The following TLR5 variants were observed in gnomAD, a reference collection of about 807,000 sequenced individuals.
TLR5 encodes toll like receptor 5.
For missense variants in TLR5, 944 were observed against 999.8 expected (o/e 0.94, Z 0.75); for synonymous variants, 373 against 384.4 (o/e 0.97, Z 0.35).
In TLR5 at chr1:223,143,242, C is replaced by G. The variant is rs1571777494; in HGVS notation, c.-601G>C. On this transcript the variant is annotated 5_prime_UTR_variant, in exon 1 of 6. Coordinates refer to ENST00000642603, the MANE Select transcript of TLR5 (RefSeq NM_003268.6). ...CGCCTGCGCCACGGTTGGCTCCTCC[C>G]GGACGCAAAAGCGGCGCCCTCGCTC... 1 of 152,236 alleles carries G rather than the reference C, an allele frequency of 6.6e-6. No individual in the cohort carries two copies. The highest frequency in any genetic ancestry group is 2.1e-4 in the South Asian group (1 of 4,836). 9.4% of individuals were successfully genotyped at this position (152,236 alleles called of 1,614,324 possible).
intron 5 of TLR5, among the ~76,000 whole-genome samples, chr1:223,118,145 A>AAGAT (rs1217880476): frequency 1.3e-5 from 2 of 152,234 alleles, no homozygotes; most frequent in African/African-American, 4.8e-5. Flanking sequence ...AGATACATTT[A>AAGAT]AGATATACAT....
At chr1:223,127,382 G>A (rs1391330252) in intron 5 of TLR5, 6 of 152,170 alleles carry the variant, frequency 3.9e-5, no homozygotes, top group Admixed American at 2.0e-4. Flanking sequence ...ATTCACACAG[G>A]TATAAAATTC....
At chr1:223,116,975 C>G (rs760045710) in intron 5 of TLR5, among the ~76,000 whole-genome samples, 2 of 152,196 alleles carry the variant, frequency 1.3e-5, no homozygotes, top group Non-Finnish European at 2.9e-5. Flanking sequence ...CTCTTCAGTC[C>G]TTGGGTGGTC....
chr1:223,115,549 C>A (rs573600924), intron 5 of TLR5, among the ~76,000 whole-genome samples: 1 of 152,212 alleles, frequency 6.6e-6, no homozygotes, highest in Non-Finnish European at 1.5e-5. Flanking sequence ...GCACACCAAG[C>A]CTCAGGCATT....
intron 5 of TLR5, among the ~76,000 whole-genome samples, chr1:223,116,909 T>A (rs2102881409): frequency 6.6e-6 from 1 of 152,304 alleles, no homozygotes; most frequent in East Asian, 1.9e-4. Flanking sequence ...GCCTAGTGGA[T>A]CCCGCGTCAG....
chr1:223,124,548 A>G (rs1417505377), intron 5 of TLR5, among the ~76,000 whole-genome samples: 1 of 152,120 alleles, frequency 6.6e-6, no homozygotes, highest in Non-Finnish European at 1.5e-5. Flanking sequence ...ACAGCACTTG[A>G]CTTTGAAAAT....
At position 223,112,040 on chromosome 1, in the gene TLR5, G is replaced by A; in HGVS notation, c.992C>T (p.Ala331Val). Residue 331 changes from alanine to valine, a missense_variant, in exon 6 of 6, where the codon GCA becomes GTA. By Grantham distance (64) the Ala-to-Val change is moderately conservative (BLOSUM62 0). Coordinates refer to ENST00000642603, the MANE Select transcript of TLR5 (RefSeq NM_003268.6). The part of the protein sequence containing the change: ...YNKINKIADE[A>V]FYGLDNLQVL... ...TTGGAGGTTGTCAAGTCCGTAAAAT[G>A]CTTCATCTGCAATCTTATTTATCTT... 6.2e-7 allele frequency: 1 copy of A among 1,614,200 alleles called. No homozygotes were observed. The highest frequency in any genetic ancestry group is 8.5e-7 in the Non-Finnish European group (1 of 1,180,040).
At chr1:223,132,816 A>G (rs547848925) in intron 4 of TLR5, among the ~76,000 whole-genome samples, 177 bp from the exon 5 acceptor site, 13 of 152,358 alleles carry the variant, frequency 8.5e-5, no homozygotes, top group Admixed American at 6.5e-5. Flanking sequence ...GGCGGACAGA[A>G]CACCAAGGTT....
Position 223,112,960 on chromosome 1 carries a change from G to A in TLR5, c.72C>T (p.Cys24=), listed in dbSNP as rs759623512. The change falls in exon 6 of 6, where the codon TGC becomes TGT. Residue 24 remains cysteine, a synonymous_variant. Coordinates refer to ENST00000642603, the MANE Select transcript of TLR5 (RefSeq NM_003268.6). ...MAGPVFGIPS[C]SFDGRIAFYR... is the part of the protein sequence containing the mutation. ...AAAAGGCTATTCGGCCATCAAAGGA[G>A]CAGGAAGGAATTCCAAACACAGGAC... is the stretch of plus-strand genomic sequence containing the variant. The A allele has an allele frequency of 9.3e-6, 15 of 1,614,066 alleles. No individual in the cohort carries two copies. The South Asian group carries it at 1.6e-4, about 18-fold the overall frequency.
rs941191540 is a variant in TLR5, at chr1:223,129,223, G to A, written c.-5+3252C>T. The A allele has an allele frequency of 3.9e-5, 6 of 152,226 alleles. No individual in the cohort carries two copies. The East Asian group carries it at 1.2e-3, about 29-fold the overall frequency. The allele number at this position is 152,226 out of a possible 1,614,324, so 9.4% of individuals were successfully genotyped here. On this transcript the variant is annotated intron_variant, in intron 5 of 5. Transcript: ENST00000642603. Reference sequence around the variant, plus strand: ...AGCCTCCTGCACGTCTACACCTGACGGCTGGGCTCCTGTCGCAGAAACCAT... The same window carrying A: ...AGCCTCCTGCACGTCTACACCTGACAGCTGGGCTCCTGTCGCAGAAACCAT...
intron 5 of TLR5, among the ~76,000 whole-genome samples, chr1:223,130,734 G>A (rs912770801): frequency 2.0e-5 from 3 of 152,148 alleles, no homozygotes; most frequent in Admixed American, 2.0e-4. Flanking sequence ...TTGCATCTTT[G>A]TAGCATTTCC....
chr1:223,116,031 C>G (rs851138), intron 5 of TLR5, among the ~76,000 whole-genome samples: 1 of 152,184 alleles, frequency 6.6e-6, no homozygotes, highest in Non-Finnish European at 1.5e-5. Context: ...CAGTGTTTCC[C>G]CAGCGAGACT....
At chr1:223,117,961 G>A (rs747719131) in intron 5 of TLR5, among the ~76,000 whole-genome samples, 7 of 152,190 alleles carry the variant, frequency 4.6e-5, no homozygotes, top group Non-Finnish European at 7.4e-5. Flanking sequence ...GGTGAATAAC[G>A]CTGTCAATAA....
intron 2 of TLR5, among the ~76,000 whole-genome samples, chr1:223,138,288 G>A (rs184565474): frequency 1.3e-5 from 2 of 150,824 alleles, no homozygotes; most frequent in Admixed American, 1.3e-4. Flanking sequence ...TGTGGGTTTT[G>A]TTTTGTTTTG....
intron 1 of TLR5, 49 bp from the exon 2 acceptor site, chr1:223,141,812 T>TAG (rs1657870374): frequency 6.9e-5 from 4 of 57,776 alleles, no homozygotes; most frequent in South Asian, 1.3e-3. Flanking sequence ...TATATATATA[T>TAG]ATATATATAT....
chr1:223,129,228 G>T (rs1223811576), intron 5 of TLR5: 2 of 152,234 alleles, frequency 1.3e-5, no homozygotes, highest in Non-Finnish European at 1.5e-5. Flanking sequence ...CTGACGGCTG[G>T]GCTCCTGTCG....
rs769787865 is a variant in TLR5, at chr1:223,111,479, G to A, written c.1553C>T (p.Pro518Leu). 6.2e-7 allele frequency: 1 copy of A among 1,614,152 alleles called. No individual in the cohort carries two copies. The highest frequency in any genetic ancestry group is 1.7e-5 in the Admixed American group (1 of 60,010). ...YLNHNYLNSL[P>L]PGVFSHLTAL... ...AGTCAGATGGCTAAATACTCCTGGT[G>A]GAAGGGAATTAAGATAGTTATGATT... The change falls in exon 6 of 6, where the codon CCA becomes CTA. Residue 518 changes from proline to leucine, a missense_variant. Pro to Leu is a moderately conservative substitution (Grantham distance 98, BLOSUM62 -3). Transcript: ENST00000642603.
chr1:223,138,965 G>C lies in TLR5; in HGVS notation c.-438-1702C>G, dbSNP rs189376957. On this transcript the variant is annotated intron_variant, in intron 2 of 5. Coordinates refer to ENST00000642603, the MANE Select transcript of TLR5 (RefSeq NM_003268.6). ...AGGAATAAGTCTCACGAGATTTAAT[G>C]GTTTTATAAATGGGAGTTCCCCTGC... Among the ~76,000 whole-genome samples the C allele has an allele frequency of 6.2e-3, 942 of 152,274 alleles. 9 individuals carry two copies. The highest frequency in any genetic ancestry group is 0.021 in the African/African-American group (889 of 41,556).
chr1:223,133,346 A>G (rs1351322134), intron 4 of TLR5, among the ~76,000 whole-genome samples: 5 of 152,212 alleles, frequency 3.3e-5, no homozygotes, highest in Non-Finnish European at 7.3e-5. Flanking sequence ...ATATGCTGCA[A>G]AACATCCACA....
Sources: allele counts gnomAD v4.1 joint callset (sites outside exome capture counted in the v4.1 genomes callset), GRCh38; gene constraint gnomAD v4.1.1; transcripts MANE v1.5; gene names NCBI Gene and HGNC (gene_info 2026-07-23, HGNC 2026-07-21).